ASTN2: variants seen among roughly 807,000 people sequenced by gnomAD.
The protein encoded by ASTN2 is astrotactin-2.
A neutral mutation model predicts 139.8 loss-of-function variants in ASTN2; 54 were observed. That is an observed-to-expected ratio of 0.39 (90% confidence interval 0.31 to 0.48). ASTN2 has a LOEUF of 0.48. ASTN2 is among the 20% of genes least tolerant of loss of function. ASTN2 has a pLI of 0.95. For missense variants in ASTN2, 1,565 were observed against 1,725.1 expected (o/e 0.91, Z 1.64); for synonymous variants, 756 against 719.5 (o/e 1.05, Z -0.81).
intron 1 of ASTN2, among the ~76,000 whole-genome samples, chr9:117,348,373 A>G (rs1829288027): frequency 6.6e-6 from 1 of 152,204 alleles, no homozygotes; most frequent in Admixed American, 6.5e-5. Context: ...CTTAGTCTGC[A>G]TAGACATAAT....
chr9:116,729,682 A>G (rs1018461243), intron 14 of ASTN2, among the ~76,000 whole-genome samples: 4 of 152,216 alleles, frequency 2.6e-5, no homozygotes, highest in Admixed American at 6.5e-5. Flanking sequence ...GCTGACCCCT[A>G]TGTAGACTAT....
intron 5 of ASTN2, among the ~76,000 whole-genome samples, chr9:117,062,355 T>C (rs904412042): frequency 2.5e-4 from 38 of 152,224 alleles, no homozygotes; most frequent in Middle Eastern, 3.4e-3. Flanking sequence ...AGGAGCTTTT[T>C]CCCCCAATAG....
At chr9:116,717,433 A>G (rs1455150546) in intron 16 of ASTN2, among the ~76,000 whole-genome samples, 1 of 152,136 alleles carries the variant, frequency 6.6e-6, no homozygotes, top group Non-Finnish European at 1.5e-5. Context: ...GGCGTGCTGT[A>G]GACTAGTGAG....
intron 2 of ASTN2, among the ~76,000 whole-genome samples, chr9:117,251,923 G>C (rs1211427716): frequency 6.6e-6 from 1 of 152,186 alleles, no homozygotes; most frequent in African/African-American, 2.4e-5. Context: ...ACTAAGAGAA[G>C]AGGTCATAAA....
intron 18 of ASTN2, among the ~76,000 whole-genome samples, chr9:116,619,545 A>C (rs958531639): frequency 2.6e-5 from 4 of 152,092 alleles, no homozygotes; most frequent in Admixed American, 2.6e-4. Flanking sequence ...TGTTGTTGAG[A>C]CAGGGTCTCA....
At chr9:116,643,465 G>A (rs1379372080) in intron 17 of ASTN2, among the ~76,000 whole-genome samples, 1 of 152,162 alleles carries the variant, frequency 6.6e-6, no homozygotes, top group Non-Finnish European at 1.5e-5. Context: ...ATGTTTCATA[G>A]ACTTGATTTA....
chr9:117,141,347 T>G lies in ASTN2; in HGVS notation c.1147A>C (p.Lys383Gln), dbSNP rs142522638. The G allele has an allele frequency of 3.8e-4, 519 of 1,367,340 alleles. 5 individuals are homozygous for G. The East Asian group carries it at 4.7e-3, about 12-fold the overall frequency. 84.7% of individuals were successfully genotyped at this position (1,367,340 alleles called of 1,614,324 possible). ...PLRSTSAGKR[K>Q]RRSKSRGGIS... ...CTACCTCGAGACTTGCTCCTCCGCT[T>G]CCTCTTCCCTGCCGATGTGCTGCGC... The change falls in exon 4 of 23, where the codon AAG (lysine) becomes CAG (glutamine). Residue 383 changes from lysine (K) to glutamine (Q), a missense_variant. Around this residue, in one of 4 missense-constraint regions of ASTN2, gnomAD observed 596 missense variants for 576.8 expected, o/e 1.03. Coordinates refer to ENST00000313400, the MANE Select transcript of ASTN2 (RefSeq NM_001365068.1).
In ASTN2 at chr9:116,651,917, T is replaced by TA. The variant is rs547511156; in HGVS notation, c.2807-125dup. The TA allele has an allele frequency of 1.3e-4, 157 of 1,201,592 alleles. No individual in the cohort carries two copies. The African/African-American group carries it at 2.2e-3, about 17-fold the overall frequency. The allele number at this position is 1,201,592 out of a possible 1,614,324, so 74.4% of individuals were successfully genotyped here. ...ATCCATTGAGGAAGTAAAAAGATGA[T>TA]AGAGTGATTTATTCATGATGCCTTG... is the stretch of plus-strand genomic sequence containing the variant. On this transcript the variant is annotated intron_variant, in intron 16 of 22. Transcript: ENST00000313400.
At chr9:116,892,493 G>T (rs1833785605) in intron 10 of ASTN2, among the ~76,000 whole-genome samples, 1 of 152,120 alleles carries the variant, frequency 6.6e-6, no homozygotes, top group Non-Finnish European at 1.5e-5. Context: ...GCTGGGAGCT[G>T]GTTGCTGGAA....
intron 2 of ASTN2, among the ~76,000 whole-genome samples, chr9:117,223,337 G>A (rs1362430232): frequency 6.6e-6 from 1 of 152,184 alleles, no homozygotes; most frequent in Non-Finnish European, 1.5e-5. Context: ...CAGGGAATCT[G>A]TAAACATCTC....
At chr9:116,814,392 G>A (rs1002175507) in intron 12 of ASTN2, among the ~76,000 whole-genome samples, 1 of 151,970 alleles carries the variant, frequency 6.6e-6, no homozygotes, top group African/African-American at 2.4e-5. Flanking sequence ...TTTTATTCAA[G>A]GGAAAATTTA....
Position 116,620,297 on chromosome 9 carries a change from C to A in ASTN2, c.3206+13G>T. ...AAGGGATGGCCAAAGGAAAAGGGGC[C>A]ATACATACGTACACCGGCTGCAGAA... On this transcript the variant is annotated intron_variant, in intron 18 of 22. Coordinates refer to ENST00000313400, the MANE Select transcript of ASTN2 (RefSeq NM_001365068.1). 2.5e-6 allele frequency: 4 copies of A among 1,614,026 alleles called. No individual in the cohort carries two copies. Among genetic ancestry groups the A allele is most frequent in the Non-Finnish European group, 3.4e-6 (4 of 1,179,996 alleles).
intron 5 of ASTN2, among the ~76,000 whole-genome samples, chr9:117,049,769 C>A (rs937554766): frequency 2.0e-5 from 3 of 151,968 alleles, no homozygotes; most frequent in African/African-American, 4.8e-5. Flanking sequence ...AGAATACATG[C>A]AAGAATGAAA....
At position 117,414,462 on chromosome 9, in the gene ASTN2, C is replaced by T. The variant is rs1215586654; in HGVS notation, c.442+35G>A. The T allele has an allele frequency of 1.2e-6, 2 of 1,602,502 alleles. No homozygotes were observed. The highest frequency in any genetic ancestry group is 2.3e-5 in the East Asian group (1 of 43,534). ...GGCATGACGCAGGGGCTCGGGGTTC[C>T]TTGGGATCTAGCGCGTGCCGGCGCC... On this transcript the variant is annotated intron_variant, in intron 1 of 22. Transcript: ENST00000313400. This position sits in a 1 kb window ranked among gnomAD's most constrained non-coding sequence, Gnocchi z 4.2.
At chr9:117,150,639 T>C (rs1830307570) in intron 3 of ASTN2, among the ~76,000 whole-genome samples, 1 of 152,156 alleles carries the variant, frequency 6.6e-6, no homozygotes, top group Non-Finnish European at 1.5e-5. Flanking sequence ...CCAAATCTAA[T>C]AAGCTGGTTT....
intron 4 of ASTN2, among the ~76,000 whole-genome samples, chr9:117,136,242 T>C (rs1829948433): frequency 6.6e-6 from 1 of 152,230 alleles, no homozygotes; most frequent in Non-Finnish European, 1.5e-5. Context: ...CCTTTGAAGA[T>C]GGTAGCATTC....
chr9:117,008,341 C>T (rs1364428862), intron 6 of ASTN2, 82 bp from the exon 7 acceptor site: 6 of 1,293,570 alleles, frequency 4.6e-6, no homozygotes, highest in Middle Eastern at 1.9e-4. Flanking sequence ...AAGGTGTGTA[C>T]AAGCCACGTT....
rs1021883175 is a variant in ASTN2, at chr9:116,837,084, G to C, written c.2041-16301C>G. On this transcript the variant is annotated intron_variant, in intron 11 of 22. Transcript: ENST00000313400. ...GTTGGCAGAGGAATAAAGTGATTTTGTTTGCTACTTTGAAGAGATTACTGA... is the reference window on the plus strand; with the variant it reads ...GTTGGCAGAGGAATAAAGTGATTTTCTTTGCTACTTTGAAGAGATTACTGA... Among the ~76,000 whole-genome samples, 58 of 152,144 alleles carry C rather than the reference G, an allele frequency of 3.8e-4. 1 individual carries two copies. The highest frequency in any genetic ancestry group is 8.2e-4 in the African/African-American group (34 of 41,424).
chr9:116,978,783 G>A (rs1395171663), intron 7 of ASTN2, among the ~76,000 whole-genome samples: 1 of 141,520 alleles, frequency 7.1e-6, no homozygotes, highest in Non-Finnish European at 1.5e-5. Flanking sequence ...TTTTATGCAG[G>A]CTTCAGGGAA....
Sources: gnomAD v4.1 joint callset for allele counts (sites outside exome capture counted in the v4.1 genomes callset) on GRCh38, gnomAD v4.1.1 for gene constraint, gnomAD v4.1.1 regional missense constraint, Gnocchi (gnomAD v3.1) non-coding constraint, MANE v1.5 for transcripts, NCBI Gene and HGNC (gene_info 2026-07-23, HGNC 2026-07-21) for gene names.